Variants in EPS8L3 observed in about 807,000 individuals in gnomAD.
The protein encoded by EPS8L3 is EPS8 signaling adaptor L3.
A neutral mutation model predicts 88.5 loss-of-function variants in EPS8L3; 80 were observed. The ratio of observed to expected loss-of-function variants is 0.90; its 90% CI spans 0.75 to 1.09. The LOEUF (loss-of-function observed/expected upper bound fraction) is 1.09. EPS8L3 is among the 50% of genes least tolerant of loss of function. EPS8L3 has a pLI of 0.00. For synonymous variants in EPS8L3, 286 were observed against 291.0 expected, an observed-to-expected ratio of 0.98 and a Z score of 0.18; for missense variants, 721 against 735.2, an observed-to-expected ratio of 0.98 and a Z score of 0.22.
chr1:109,750,829 T>C, intron 17 of EPS8L3, 37 bp from the exon 18 acceptor site: 1 of 1,612,870 alleles, frequency 6.2e-7, no homozygotes, highest in Non-Finnish European at 8.5e-7. Flanking sequence ...CGTGGTGGGC[T>C]GGAAGGACCC....
rs1650695334 is a variant in EPS8L3, at chr1:109,759,633, C to G, written c.255+45G>C. ...AGTTCAAGAGCTAGTGCTTGCTTCC[C>G]CACAGCCCAGGCTGGCTATCACTGG... On this transcript the variant is annotated intron_variant, in intron 4 of 18. Coordinates refer to ENST00000361965, the MANE Select transcript of EPS8L3 (RefSeq NM_133181.4). The surrounding 1 kb of genome is among the most constrained non-coding windows in gnomAD (Gnocchi z 4.2). 1.3e-6 allele frequency: 2 copies of G among 1,599,900 alleles called. No homozygotes were observed. Among genetic ancestry groups the G allele is most frequent in the East Asian group, 4.5e-5 (2 of 44,720 alleles).
In EPS8L3 at chr1:109,750,360, G is replaced by T. The variant is rs1315844744; in HGVS notation, c.*31C>A. 1 of 1,613,280 alleles carries T rather than the reference G, an allele frequency of 6.2e-7. No individual in the cohort carries two copies. The highest frequency in any genetic ancestry group is 8.5e-7 in the Non-Finnish European group (1 of 1,179,598). ...AGATCTGCCATCTTGCATCAGCGGGGCCTGGTTCTTGGAGGTGTCTAAGCT... is the reference window on the plus strand; with the variant it reads ...AGATCTGCCATCTTGCATCAGCGGGTCCTGGTTCTTGGAGGTGTCTAAGCT... On this transcript the variant is annotated 3_prime_UTR_variant, in exon 19 of 19. Coordinates refer to ENST00000361965, the MANE Select transcript of EPS8L3 (RefSeq NM_133181.4).
intron 16 of EPS8L3, 56 bp downstream of exon 16, chr1:109,751,598 C>A (rs1649796115): frequency 1.2e-6 from 2 of 1,611,600 alleles, no homozygotes; most frequent in Non-Finnish European, 1.7e-6. Context: ...GAATCCTCCC[C>A]ACCCCGACCT....
Position 109,758,029 on chromosome 1 carries a change from A to G in EPS8L3, c.747T>C (p.Ile249=), listed in dbSNP as rs780003675. 9 of 1,613,976 alleles carry G rather than the reference A, an allele frequency of 5.6e-6. No homozygotes were observed. The highest frequency in any genetic ancestry group is 7.6e-6 in the Non-Finnish European group (9 of 1,180,028). Residue 249 remains isoleucine (I), a synonymous_variant, in exon 9 of 19, where the codon ATT becomes ATC. Coordinates refer to ENST00000361965, the MANE Select transcript of EPS8L3 (RefSeq NM_133181.4). ...TCTCCAGCTTTCCCATGAACAGCTC[A>G]ATGTCCCTTAGGACATGGTTCAGCA... ...EEVLNHVLRD[I]ELFMGKLEKA...
intron 6 of EPS8L3, 94 bp downstream of exon 6, chr1:109,758,968 C>T (rs1650596613): frequency 7.3e-7 from 1 of 1,376,676 alleles, no homozygotes; most frequent in Admixed American, 2.0e-5. Context: ...GGTTGGGCCA[C>T]AACCTCCTGG....
chr1:109,752,670 T>G lies in EPS8L3; in HGVS notation c.1235+16A>C. The G allele has an allele frequency of 6.4e-7, 1 of 1,550,614 alleles. No individual in the cohort carries two copies. The highest frequency in any genetic ancestry group is 1.4e-5 in the African/African-American group (1 of 73,114). On this transcript the variant is annotated intron_variant, in intron 14 of 18. Transcript: ENST00000361965. ...CTCCCCAGGACCACGCAGTCCCTAT[T>G]AAGCTCAGAGCATACCGAAGGGAAA...
rs751440256 is a variant in EPS8L3, at chr1:109,761,517, G to A, written c.74C>T (p.Thr25Ile). ...EYSQNLTSEP[T>I]LLQHRVEHLM... Reference sequence around the variant, plus strand: ...CACCTCCACCCTGTGCTGCAGGAGGGTGGGCTCTGAGGTGAGGTTCTGGGA... The same window carrying A: ...CACCTCCACCCTGTGCTGCAGGAGGATGGGCTCTGAGGTGAGGTTCTGGGA... Residue 25 changes from threonine to isoleucine, a missense_variant, in exon 3 of 19, where the codon ACC (threonine) becomes ATC (isoleucine). Transcript: ENST00000361965. 2.5e-6 allele frequency: 4 copies of A among 1,613,372 alleles called. No homozygotes were observed. The highest frequency in any genetic ancestry group is 3.4e-6 in the Non-Finnish European group (4 of 1,179,554).
rs1570678084 is a variant in EPS8L3, at chr1:109,752,395, A to G, written c.1236-202T>C. The G allele has an allele frequency of 1.3e-5, 8 of 619,684 alleles. No individual in the cohort carries two copies. The East Asian group carries it at 2.2e-4, about 17-fold the overall frequency. 38.4% of individuals were successfully genotyped at this position (619,684 alleles called of 1,614,324 possible). A position where few individuals can be genotyped will look rare whatever the true frequency, so the allele number is the denominator to read the frequency against. On this transcript the variant is annotated intron_variant, in intron 14 of 18. Transcript: ENST00000361965. ...TGAAATGTCATTGATTTCTGAAGAC[A>G]TTTCCGGGAGTGGAATTTTCTACAT...
At chr1:109,756,881 C>G (rs1650332381) in intron 12 of EPS8L3, 136 bp downstream of exon 12, 1 of 1,113,066 alleles carries the variant, frequency 9.0e-7, no homozygotes, top group East Asian at 2.4e-5. Context: ...AAGTTGGGAA[C>G]TCTCTGTAGA....
At chr1:109,752,747 T>A in intron 13 of EPS8L3, 27 bp from the exon 14 acceptor site, 1 of 1,549,702 alleles carries the variant, frequency 6.5e-7, no homozygotes, top group South Asian at 1.2e-5. Context: ...AGAGAGTGAG[T>A]AAGAGCAGGA....
rs779952664 is a variant in EPS8L3, at chr1:109,751,975, G to T, written c.1434+20C>A. The T allele has an allele frequency of 1.3e-6, 2 of 1,582,780 alleles. No homozygotes were observed. Among genetic ancestry groups the T allele is most frequent in the Non-Finnish European group, 1.7e-6 (2 of 1,163,372 alleles). ...CCACCAACCACCACCTCCTTTTCTAGCCTATGGCCCAAGCCTCACCTCCAG... is the reference window on the plus strand; with the variant it reads ...CCACCAACCACCACCTCCTTTTCTATCCTATGGCCCAAGCCTCACCTCCAG... On this transcript the variant is annotated intron_variant, in intron 15 of 18. Transcript: ENST00000361965.
chr1:109,759,623 G>A lies in EPS8L3; in HGVS notation c.255+55C>T. ...TGGAGGGTGGAGTTCAAGAGCTAGT[G>A]CTTGCTTCCCCACAGCCCAGGCTGG... On this transcript the variant is annotated intron_variant, in intron 4 of 18. Transcript: ENST00000361965. This position sits in a 1 kb window ranked among gnomAD's most constrained non-coding sequence, Gnocchi z 4.2. 6.3e-7 allele frequency: 1 copy of A among 1,589,004 alleles called. No individual in the cohort carries two copies. Among genetic ancestry groups the A allele is most frequent in the Non-Finnish European group, 8.6e-7 (1 of 1,169,108 alleles).
chr1:109,752,202 C>CA lies in EPS8L3; in HGVS notation c.1236-10dup, dbSNP rs1306692685. On this transcript the variant is annotated splice_polypyrimidine_tract_variant and intron_variant, in intron 14 of 18. Coordinates refer to ENST00000361965, the MANE Select transcript of EPS8L3 (RefSeq NM_133181.4). The stretch of plus-strand genomic sequence containing the variant: ...ACCTATGACTTCCCCGCCTAAGAAA[C>CA]AGAGTCAGGATGGCTGGAGAATGGG... 2 of 1,608,236 alleles carry CA rather than the reference C, an allele frequency of 1.2e-6. No individual in the cohort carries two copies. Among genetic ancestry groups the CA allele is most frequent in the Non-Finnish European group, 1.7e-6 (2 of 1,176,366 alleles).
rs370994340 is a variant in EPS8L3, at chr1:109,757,462, C to G, written c.969+19G>C. On this transcript the variant is annotated intron_variant, in intron 11 of 18. Coordinates refer to ENST00000361965, the MANE Select transcript of EPS8L3 (RefSeq NM_133181.4). ...CTTCAGCCTGTCCGTCTTCACCACCCTGTCGTCCCTTGACTCACGAAGTTC... is the reference window on the plus strand; with the variant it reads ...CTTCAGCCTGTCCGTCTTCACCACCGTGTCGTCCCTTGACTCACGAAGTTC... 2.5e-6 allele frequency: 4 copies of G among 1,610,344 alleles called. No homozygotes were observed. The South Asian group carries it at 3.3e-5, about 13-fold the overall frequency.
chr1:109,750,319 G>A lies in EPS8L3; in HGVS notation c.*72C>T, dbSNP rs1570670901. 1.3e-6 allele frequency: 2 copies of A among 1,578,978 alleles called. No individual in the cohort carries two copies. Among genetic ancestry groups the A allele is most frequent in the Non-Finnish European group, 1.7e-6 (2 of 1,152,500 alleles). On this transcript the variant is annotated 3_prime_UTR_variant, in exon 19 of 19. Transcript: ENST00000361965. ...TGGGATCCAGAAGAGGAATTCTCGGGGCTCTAATGGGTATCAGATCTGCCA... is the reference window on the plus strand; with the variant it reads ...TGGGATCCAGAAGAGGAATTCTCGGAGCTCTAATGGGTATCAGATCTGCCA...
At chr1:109,762,982 T>C (rs1158856420) in intron 1 of EPS8L3, among the ~76,000 whole-genome samples, 1 of 152,220 alleles carries the variant, frequency 6.6e-6, no homozygotes, top group Non-Finnish European at 1.5e-5. Context: ...GTCAAGGGTA[T>C]GTGTTATCCA....
rs866195486 is a variant in EPS8L3, at chr1:109,759,308, A to T, written c.335T>A (p.Leu112Gln). The stretch of plus-strand genomic sequence containing the variant: ...GCCCGGCTCCTGCACGGTGATGGAC[A>T]GGATGGAGTTGTAGGAACATGTGTT... Reference protein sequence around the residue: ...ALNTCSYNSILSITVQEPGLP... With the variant: ...ALNTCSYNSIQSITVQEPGLP... The change falls in exon 5 of 19, where the codon CTG (leucine) becomes CAG (glutamine). Residue 112 changes from leucine to glutamine, a missense_variant. Coordinates refer to ENST00000361965, the MANE Select transcript of EPS8L3 (RefSeq NM_133181.4). This position sits in a 1 kb window ranked among gnomAD's most constrained non-coding sequence, Gnocchi z 4.2. 4 of 1,614,040 alleles carry T rather than the reference A, an allele frequency of 2.5e-6. No individual in the cohort carries two copies. The highest frequency in any genetic ancestry group is 3.4e-6 in the Non-Finnish European group (4 of 1,180,028).
In EPS8L3 at chr1:109,759,208, A is replaced by G; in HGVS notation, c.405+30T>C. ...GGTGGGGTGATGGTCGATGAACCCC[A>G]CCCCTGACCAATCACCCCCGACCAC... On this transcript the variant is annotated intron_variant, in intron 5 of 18. Coordinates refer to ENST00000361965, the MANE Select transcript of EPS8L3 (RefSeq NM_133181.4). This position sits in a 1 kb window ranked among gnomAD's most constrained non-coding sequence, Gnocchi z 4.2. 2 of 1,604,168 alleles carry G rather than the reference A, an allele frequency of 1.2e-6. No individual in the cohort carries two copies. Among genetic ancestry groups the G allele is most frequent in the Non-Finnish European group, 1.7e-6 (2 of 1,175,152 alleles).
intron 1 of EPS8L3, 31 bp from the exon 2 acceptor site, chr1:109,761,804 TCAGAG>T (rs1650999997): frequency 6.2e-7 from 1 of 1,604,558 alleles, no homozygotes. Context: ...GAGGCAGCCA[TCAGAG>T]CTGGGGAAAG....
Sources: allele counts gnomAD v4.1 joint callset (sites outside exome capture counted in the v4.1 genomes callset), GRCh38; gene constraint gnomAD v4.1.1; non-coding constraint Gnocchi (gnomAD v3.1); transcripts MANE v1.5; gene names NCBI Gene and HGNC (gene_info 2026-07-23, HGNC 2026-07-21).